Variants in CNR1 observed in about 807,000 individuals in gnomAD.
CNR1 encodes cannabinoid receptor 1.
Under a neutral mutation model 23.0 loss-of-function variants are expected in CNR1, and 10 were observed. The ratio of observed to expected loss-of-function variants is 0.43; its 90% CI spans 0.27 to 0.74. The LOEUF (loss-of-function observed/expected upper bound fraction) is 0.74. CNR1 is among the 30% of genes least tolerant of loss of function. CNR1 has a pLI of 0.19. For synonymous variants in CNR1, 271 were observed against 255.2 expected (o/e 1.06, Z -0.59); for missense variants, 422 against 618.8 (o/e 0.68, Z 3.37).
At position 88,141,349 on chromosome 6, in the gene CNR1, T is replaced by C. The variant is rs1412391876; in HGVS notation, c.*2507A>G. ...TTAGAATATCAATAAGCACCAAGTTTAGTGCTGTCAGCCCCATTGTCCCTT... is the reference window on the plus strand; with the variant it reads ...TTAGAATATCAATAAGCACCAAGTTCAGTGCTGTCAGCCCCATTGTCCCTT... On this transcript the variant is annotated 3_prime_UTR_variant, in exon 2 of 2. Transcript: ENST00000369501. 1.3e-5 allele frequency: 2 copies of C among 152,806 alleles called. No individual in the cohort carries two copies. Among genetic ancestry groups the C allele is most frequent in the Non-Finnish European group, 2.9e-5 (2 of 68,046 alleles). 9.5% of individuals were successfully genotyped at this position (152,806 alleles called of 1,614,324 possible). A position where few individuals can be genotyped will look rare whatever the true frequency, so the allele number is the denominator to read the frequency against.
chr6:88,149,935 T>C (rs1259103569), intron 1 of CNR1, among the ~76,000 whole-genome samples: 1 of 152,244 alleles, frequency 6.6e-6, no homozygotes, highest in Non-Finnish European at 1.5e-5. Flanking sequence ...GATAGCATGA[T>C]AGCAGGAGAG....
upstream of CNR1, among the ~76,000 whole-genome samples, chr6:88,167,014 C>T (rs980955662): frequency 6.6e-6 from 1 of 151,306 alleles, no homozygotes; most frequent in Non-Finnish European, 1.5e-5. Flanking sequence ...GGGCGCCGCC[C>T]AGCTTCGCGC....
chr6:88,143,909 T>C lies in CNR1; in HGVS notation c.1366A>G (p.Ile456Val), dbSNP rs141056981. ...GACACAGACATGGTTACCTTGGCAA[T>C]CTTGACCGTGCTCTTGATGCAGCTT... ...AESCIKSTVK[I>V]AKVTMSVSTD... The change falls in exon 2 of 2, where the codon ATT becomes GTT. Residue 456 changes from isoleucine to valine, a missense_variant. Ile to Val is a conservative substitution (Grantham distance 29). This residue lies in a region of CNR1 where 79 missense variants were observed against 98.0 expected (regional missense o/e 0.81). Coordinates refer to ENST00000369501, the MANE Select transcript of CNR1 (RefSeq NM_016083.6). 1 of 1,613,934 alleles carries C rather than the reference T, an allele frequency of 6.2e-7. No individual in the cohort carries two copies. Among genetic ancestry groups the C allele is most frequent in the Non-Finnish European group, 8.5e-7 (1 of 1,180,000 alleles).
chr6:88,147,988 A>G (rs1223542396), intron 1 of CNR1, among the ~76,000 whole-genome samples: 1 of 151,900 alleles, frequency 6.6e-6, no homozygotes, highest in African/African-American at 2.4e-5. Context: ...ATGGCTTTCT[A>G]TCTCCCACCT....
chr6:88,154,078 T>C (rs1212495256), intron 1 of CNR1, among the ~76,000 whole-genome samples: 1 of 152,204 alleles, frequency 6.6e-6, no homozygotes, highest in Non-Finnish European at 1.5e-5. Flanking sequence ...AAAATTCCAT[T>C]ATATTGGTAA....
At position 88,154,735 on chromosome 6, in the gene CNR1, C is replaced by T. The variant is rs566412110; in HGVS notation, c.-63-9398G>A. Reference sequence around the variant, plus strand: ...CTTGGATTACAGGTGCATGCCACCACGCCTAGTTAATTTATATATTTTTAG... The same window carrying T: ...CTTGGATTACAGGTGCATGCCACCATGCCTAGTTAATTTATATATTTTTAG... On this transcript the variant is annotated intron_variant, in intron 1 of 1. Coordinates refer to ENST00000369501, the MANE Select transcript of CNR1 (RefSeq NM_016083.6). Among the ~76,000 whole-genome samples the T allele has an allele frequency of 2.5e-3, 383 of 152,244 alleles. 4 individuals are homozygous for T. Among genetic ancestry groups the T allele is most frequent in the Middle Eastern group, 0.02 (6 of 294 alleles).
At position 88,142,328 on chromosome 6, in the gene CNR1, A is replaced by G. The variant is rs149225161; in HGVS notation, c.*1528T>C. 6.6e-6 allele frequency: 1 copy of G among 152,416 alleles called. No individual in the cohort carries two copies. Among genetic ancestry groups the G allele is most frequent in the Non-Finnish European group, 1.5e-5 (1 of 68,024 alleles). 9.4% of individuals were successfully genotyped at this position (152,416 alleles called of 1,614,324 possible). On this transcript the variant is annotated 3_prime_UTR_variant, in exon 2 of 2. Transcript: ENST00000369501. Reference sequence around the variant, plus strand: ...GGTGTGATAGTCCTACTTTAACGTGATGTATATAGTGCATACTATCTACAC... The same window carrying G: ...GGTGTGATAGTCCTACTTTAACGTGGTGTATATAGTGCATACTATCTACAC...
intron 1 of CNR1, among the ~76,000 whole-genome samples, chr6:88,148,321 CTTT>C (rs1435606120): frequency 6.6e-6 from 1 of 152,164 alleles, no homozygotes; most frequent in Non-Finnish European, 1.5e-5. Context: ...TCTAATACTT[CTTT>C]GTGTTTGCAT....
At position 88,145,043 on chromosome 6, in the gene CNR1, T is replaced by C. The variant is rs201771485; in HGVS notation, c.232A>G (p.Ile78Val). 3.7e-6 allele frequency: 6 copies of C among 1,614,192 alleles called. No individual in the cohort carries two copies. Among genetic ancestry groups the C allele is most frequent in the South Asian group, 1.1e-5 (1 of 91,086 alleles). Reference sequence around the variant, plus strand: ...AGAGACTTGTTGTAAAATTCTGTAATGTTCACCTGGTCTGCTGGGACTAGC... The same window carrying C: ...AGAGACTTGTTGTAAAATTCTGTAACGTTCACCTGGTCTGCTGGGACTAGC... ...PQLVPADQVN[I>V]TEFYNKSLSS... is the part of the protein sequence containing the mutation. The change falls in exon 2 of 2, where the codon ATT (isoleucine) becomes GTT (valine). Residue 78 changes from isoleucine (I) to valine (V), a missense_variant. By Grantham distance (29) the Ile-to-Val change is conservative (BLOSUM62 3). Transcript: ENST00000369501.
chr6:88,142,030 G>C lies in CNR1; in HGVS notation c.*1826C>G, dbSNP rs1312586008. 6.6e-6 allele frequency: 1 copy of C among 152,338 alleles called. No individual in the cohort carries two copies. Among genetic ancestry groups the C allele is most frequent in the Non-Finnish European group, 1.5e-5 (1 of 68,036 alleles). 9.4% of individuals were successfully genotyped at this position (152,338 alleles called of 1,614,324 possible). ...GAAAAAGGCCCAACAAGCACCCATG[G>C]CGCCATTAAGGAGCATGAGACCGGG... On this transcript the variant is annotated 3_prime_UTR_variant, in exon 2 of 2. Coordinates refer to ENST00000369501, the MANE Select transcript of CNR1 (RefSeq NM_016083.6).
At chr6:88,164,580 G>T (rs924893129) in intron 1 of CNR1, among the ~76,000 whole-genome samples, 1 of 152,164 alleles carries the variant, frequency 6.6e-6, no homozygotes, top group Non-Finnish European at 1.5e-5. Context: ...GGGGGAGGGG[G>T]AGGAGTACCA....
chr6:88,166,876 G>A (rs945756625), upstream of CNR1, among the ~76,000 whole-genome samples: 1 of 152,086 alleles, frequency 6.6e-6, no homozygotes, highest in South Asian at 2.1e-4. Flanking sequence ...CTCCGCGCAA[G>A]GCCGCTCCCG....
At chr6:88,163,384 C>T (rs953353053) in intron 1 of CNR1, among the ~76,000 whole-genome samples, 3 of 152,200 alleles carry the variant, frequency 2.0e-5, no homozygotes, top group Non-Finnish European at 2.9e-5. Context: ...TGGTAAGAAA[C>T]ATTTGGTAAG....
At chr6:88,152,214 C>CAAA (rs56141409) in intron 1 of CNR1, among the ~76,000 whole-genome samples, 25 of 81,496 alleles carry the variant, frequency 3.1e-4, no homozygotes, top group African/African-American at 8.1e-4. Flanking sequence ...GACTCCGTCT[C>CAAA]AAAAAAAAAA....
intron 1 of CNR1, among the ~76,000 whole-genome samples, chr6:88,150,971 C>T (rs1777489960): frequency 6.6e-6 from 1 of 152,110 alleles, no homozygotes; most frequent in African/African-American, 2.4e-5. Context: ...ACTATGACAC[C>T]TCCTCTTTCT....
In CNR1 at chr6:88,149,833, G is replaced by A. The variant is rs181972566; in HGVS notation, c.-63-4496C>T. The stretch of plus-strand genomic sequence containing the variant: ...CCTCTATTACAGGCCTCATCACGTC[G>A]TATAATCAGGAGTTCACATATTTAT... On this transcript the variant is annotated intron_variant, in intron 1 of 1. Transcript: ENST00000369501. Among the ~76,000 whole-genome samples, 77 of 152,206 alleles carry A rather than the reference G, an allele frequency of 5.1e-4. 1 individual carries two copies. The highest frequency in any genetic ancestry group is 3.1e-3 in the Admixed American group (48 of 15,290).
In CNR1 at chr6:88,166,022, G is replaced by C. The variant is rs1241371959; in HGVS notation, c.-283C>G. On this transcript the variant is annotated 5_prime_UTR_variant, in exon 1 of 2. Transcript: ENST00000369501. ...GGAGAAGGAAGGGGTGGCAGAGGGA[G>C]TAGCGTGCGGGAGGCGGCGCCGGCG... The C allele has an allele frequency of 6.5e-6, 1 of 152,968 alleles. No homozygotes were observed. Among genetic ancestry groups the C allele is most frequent in the East Asian group, 1.9e-4 (1 of 5,230 alleles). The allele number at this position is 152,968 out of a possible 1,614,324, so 9.5% of individuals were successfully genotyped here. A position where few individuals can be genotyped will look rare whatever the true frequency, so the allele number is the denominator to read the frequency against.
chr6:88,163,940 T>C (rs1477774320), intron 1 of CNR1, among the ~76,000 whole-genome samples: 1 of 152,198 alleles, frequency 6.6e-6, no homozygotes, highest in African/African-American at 2.4e-5. Context: ...AAACAGTGGA[T>C]AACAAACAAA....
intron 1 of CNR1, among the ~76,000 whole-genome samples, chr6:88,152,140 G>A (rs924872711): frequency 3.3e-5 from 5 of 150,446 alleles, no homozygotes; most frequent in East Asian, 1.9e-4. Context: ...GCGTGAACCC[G>A]GGAGGCGGAG....
Sources: allele counts gnomAD v4.1 joint callset (sites outside exome capture counted in the v4.1 genomes callset), GRCh38; gene constraint gnomAD v4.1.1; regional missense constraint gnomAD v4.1.1; transcripts MANE v1.5; gene names NCBI Gene and HGNC (gene_info 2026-07-23, HGNC 2026-07-21).